Variants in EPHA6 observed in about 807,000 individuals in gnomAD.
The protein encoded by EPHA6 is EPH receptor A6.
In EPHA6, 50 loss-of-function variants were observed where a neutral mutation model predicts 112.0. The observed-to-expected ratio is 0.45, with a 90% CI of 0.36 to 0.56. The LOEUF (loss-of-function observed/expected upper bound fraction) is 0.56, where lower values mean the gene tolerates loss of function less well. EPHA6 is among the 20% of genes least tolerant of loss of function. EPHA6 has a pLI of 0.00. For synonymous variants in EPHA6, 529 were observed against 490.7 expected (o/e 1.08, Z -1.03); for missense variants, 1,280 against 1,417.4 (o/e 0.90, Z 1.56).
chr3:97,102,243 A>G (rs1443678676), intron 3 of EPHA6, among the ~76,000 whole-genome samples: 1 of 152,046 alleles, frequency 6.6e-6, no homozygotes, highest in Admixed American at 6.6e-5. Flanking sequence ...CACCAAACGT[A>G]TGAGTGAAGC....
At chr3:97,247,894 A>G (rs1298345080) in intron 5 of EPHA6, among the ~76,000 whole-genome samples, 1 of 151,984 alleles carries the variant, frequency 6.6e-6, no homozygotes, top group Non-Finnish European at 1.5e-5. Flanking sequence ...AGACAGTTAT[A>G]TTAATTATTT....
intron 4 of EPHA6, among the ~76,000 whole-genome samples, chr3:97,231,482 G>A (rs1005073095): frequency 1.7e-4 from 26 of 152,144 alleles, no homozygotes; most frequent in African/African-American, 1.2e-4. Flanking sequence ...AGAAAAATGC[G>A]TAGAAATGTA....
chr3:97,151,565 C>CA (rs773386496), intron 3 of EPHA6, among the ~76,000 whole-genome samples: 1 of 152,014 alleles, frequency 6.6e-6, no homozygotes, highest in Non-Finnish European at 1.5e-5. Flanking sequence ...ACACCATCAA[C>CA]ATAGGATCTG....
chr3:97,713,045 T>A (rs2034049176), intron 14 of EPHA6, among the ~76,000 whole-genome samples: 1 of 151,984 alleles, frequency 6.6e-6, no homozygotes, highest in South Asian at 2.1e-4. Context: ...GATAATTGTG[T>A]ATTTCATAAT....
intron 5 of EPHA6, among the ~76,000 whole-genome samples, chr3:97,403,214 A>C (rs1398497162): frequency 6.6e-6 from 1 of 152,082 alleles, no homozygotes; most frequent in Non-Finnish European, 1.5e-5. Flanking sequence ...TAACATCAAC[A>C]ATATCATTAT....
intron 5 of EPHA6, among the ~76,000 whole-genome samples, chr3:97,366,932 A>G (rs1298760863): frequency 6.6e-6 from 1 of 152,204 alleles, no homozygotes; most frequent in Non-Finnish European, 1.5e-5. Flanking sequence ...CATGCCAGGA[A>G]CTATTCTCAG....
intron 5 of EPHA6, among the ~76,000 whole-genome samples, chr3:97,328,471 A>T (rs893397585): frequency 1.3e-5 from 2 of 151,948 alleles, no homozygotes; most frequent in Non-Finnish European, 2.9e-5. Context: ...AATTTCATGT[A>T]CCTATTTACC....
intron 2 of EPHA6, among the ~76,000 whole-genome samples, chr3:96,889,641 T>C (rs1478034358): frequency 1.3e-5 from 2 of 152,184 alleles, no homozygotes; most frequent in East Asian, 3.8e-4. Flanking sequence ...GTGAGTACAA[T>C]TCAAGATGAG....
intron 14 of EPHA6, among the ~76,000 whole-genome samples, chr3:97,701,779 T>A (rs1312248942): frequency 1.3e-5 from 2 of 152,160 alleles, no homozygotes; most frequent in African/African-American, 4.8e-5. Context: ...TTCAGATTTA[T>A]CTCTAATCCT....
chr3:96,955,987 A>G (rs951800810), intron 2 of EPHA6, among the ~76,000 whole-genome samples: 3 of 152,214 alleles, frequency 2.0e-5, no homozygotes, highest in African/African-American at 7.2e-5. Context: ...ATCCTTTTTT[A>G]TACTTATGTG....
chr3:96,822,084 TGTTA>T (rs2033302853), intron 1 of EPHA6, among the ~76,000 whole-genome samples: 1 of 151,980 alleles, frequency 6.6e-6, no homozygotes, highest in Non-Finnish European at 1.5e-5. Context: ...ACTCTTCTGA[TGTTA>T]GTTGTATGGA....
chr3:97,613,263 C>G (rs993398516), intron 13 of EPHA6, among the ~76,000 whole-genome samples: 1 of 152,032 alleles, frequency 6.6e-6, no homozygotes, highest in Non-Finnish European at 1.5e-5. Context: ...CATACATTCT[C>G]AAAAGCAAAG....
At chr3:97,699,605 G>A (rs931455579) in intron 14 of EPHA6, among the ~76,000 whole-genome samples, 2 of 152,138 alleles carry the variant, frequency 1.3e-5, no homozygotes, top group Non-Finnish European at 2.9e-5. Context: ...TGCACCGTGT[G>A]GTGGGTAGAG....
At chr3:97,309,330 G>A (rs1040914307) in intron 5 of EPHA6, among the ~76,000 whole-genome samples, 2 of 151,524 alleles carry the variant, frequency 1.3e-5, no homozygotes, top group African/African-American at 4.8e-5. Context: ...ACCAGTGCAA[G>A]GCACTCTTAG....
At position 97,256,200 on chromosome 3, in the gene EPHA6, A is replaced by C. The variant is rs185716536; in HGVS notation, c.1606+11913A>C. Among the ~76,000 whole-genome samples, 5 of 152,096 alleles carry C rather than the reference A, an allele frequency of 3.3e-5. No individual in the cohort carries two copies. The East Asian group carries it at 9.7e-4, about 29-fold the overall frequency. Reference sequence around the variant, plus strand: ...TTTGTTTTATTTCACTACTAATTTTAATTTTATTCTATATTTTCATATTTT... The same window carrying C: ...TTTGTTTTATTTCACTACTAATTTTCATTTTATTCTATATTTTCATATTTT... On this transcript the variant is annotated intron_variant, in intron 5 of 17. Coordinates refer to ENST00000389672, the MANE Select transcript of EPHA6 (RefSeq NM_001080448.3).
rs146140579 is a variant in EPHA6 at position 97,020,321 on chromosome 3, A to G, written c.1114+32328A>G. 1.8e-4 allele frequency among the ~76,000 whole-genome samples: 27 copies of G among 152,334 alleles called. 1 individual carries two copies. The highest frequency in any genetic ancestry group is 6.5e-4 in the African/African-American group (27 of 41,566). On this transcript the variant is annotated intron_variant, in intron 3 of 17. Transcript: ENST00000389672. ...GATATATGCGGATTCACTGACAATA[A>G]TAAGATGAATAATGCATGCAGAAAT...
intron 3 of EPHA6, among the ~76,000 whole-genome samples, chr3:97,033,154 G>A (rs184598016): frequency 7.9e-5 from 12 of 151,990 alleles, no homozygotes; most frequent in African/African-American, 1.4e-4. Context: ...CTGGAGACTC[G>A]GTACTCTTGG....
chr3:97,157,954 A>G (rs1311299395), intron 3 of EPHA6, among the ~76,000 whole-genome samples: 1 of 152,190 alleles, frequency 6.6e-6, no homozygotes, highest in Non-Finnish European at 1.5e-5. Context: ...TGACACAAAA[A>G]ATTAATCATC....
intron 3 of EPHA6, among the ~76,000 whole-genome samples, chr3:97,191,893 T>C (rs1259153160): frequency 6.6e-6 from 1 of 152,116 alleles, no homozygotes; most frequent in Non-Finnish European, 1.5e-5. Context: ...TTTTAGTTTT[T>C]TGAGGCACTT....
Sources: allele counts gnomAD v4.1 joint callset (sites outside exome capture counted in the v4.1 genomes callset), GRCh38; gene constraint gnomAD v4.1.1; transcripts MANE v1.5; gene names NCBI Gene and HGNC (gene_info 2026-07-23, HGNC 2026-07-21).